SHROOM3: variants seen among roughly 807,000 people sequenced by gnomAD.
The protein encoded by SHROOM3 is protein Shroom3.
A neutral mutation model predicts 138.6 loss-of-function variants in SHROOM3; 47 were observed. The observed-to-expected ratio is 0.34, with a 90% CI of 0.27 to 0.43. SHROOM3 has a LOEUF of 0.43. Among genes scored for constraint, SHROOM3 ranks in the 20% least tolerant of loss-of-function variants. The probability of loss-of-function intolerance (pLI) is 1.00; values close to 1 mark genes in which losing one functional copy is unlikely to be tolerated. For synonymous variants in SHROOM3, 1,062 were observed against 1,063.3 expected (o/e 1.00, Z 0.02); for missense variants, 2,491 against 2,596.5 (o/e 0.96, Z 0.88).
chr4:76,593,590 C>T (rs1734320692), intron 2 of SHROOM3, among the ~76,000 whole-genome samples: 2 of 152,280 alleles, frequency 1.3e-5, no homozygotes, highest in South Asian at 4.1e-4. Context: ...AATCAGTAAT[C>T]TTTATGGCAT....
chr4:76,477,211 C>A (rs1467632210), intron 1 of SHROOM3, among the ~76,000 whole-genome samples: 1 of 148,324 alleles, frequency 6.7e-6, no homozygotes. Flanking sequence ...TCGTGATCCA[C>A]CCCCCACTCG....
At chr4:76,519,931 G>A (rs1732528167) in intron 1 of SHROOM3, among the ~76,000 whole-genome samples, 1 of 152,158 alleles carries the variant, frequency 6.6e-6, no homozygotes, top group South Asian at 2.1e-4. Flanking sequence ...TGAGCTTCTT[G>A]TGTTTTAATC....
At position 76,766,617 on chromosome 4, in the gene SHROOM3, G is replaced by C. The variant is rs574978226; in HGVS notation, c.5350-4009G>C. Among the ~76,000 whole-genome samples the C allele has an allele frequency of 7.9e-5, 12 of 152,270 alleles. No homozygotes were observed. In the East Asian group the frequency reaches 2.3e-3, roughly 29 times the overall value. ...AAAACACACCTCTTCTCCCTCCCCC[G>C]GTGAGTTATTCTGGTAGACATTGGT... is the stretch of plus-strand genomic sequence containing the variant. On this transcript the variant is annotated intron_variant, in intron 9 of 10. Coordinates refer to ENST00000296043, the MANE Select transcript of SHROOM3 (RefSeq NM_020859.4).
chr4:76,546,717 T>G (rs932122338), intron 1 of SHROOM3, among the ~76,000 whole-genome samples: 2 of 152,212 alleles, frequency 1.3e-5, no homozygotes, highest in Non-Finnish European at 2.9e-5. Flanking sequence ...ATTATCGCAC[T>G]TATAGAGAGC....
intron 2 of SHROOM3, among the ~76,000 whole-genome samples, chr4:76,631,054 A>G (rs55829779): frequency 0.068 from 10,413 of 152,230 alleles, 1,184 homozygotes; most frequent in African/African-American, 0.23. Flanking sequence ...TTATAGGGGT[A>G]TGCAGACAAC....
At chr4:76,453,480 A>C (rs918882376) in intron 1 of SHROOM3, among the ~76,000 whole-genome samples, 2 of 151,838 alleles carry the variant, frequency 1.3e-5, no homozygotes, top group Non-Finnish European at 2.9e-5. Flanking sequence ...GGGTCTCACT[A>C]TGTTGCCCAG....
intron 2 of SHROOM3, among the ~76,000 whole-genome samples, chr4:76,592,639 G>A (rs1228211628): frequency 6.6e-6 from 1 of 152,170 alleles, no homozygotes; most frequent in Non-Finnish European, 1.5e-5. Context: ...AATTGGCCCT[G>A]ACTAAGCTAA....
chr4:76,762,423 G>A (rs1462331686), intron 9 of SHROOM3, among the ~76,000 whole-genome samples: 1 of 152,206 alleles, frequency 6.6e-6, no homozygotes, highest in African/African-American at 2.4e-5. Flanking sequence ...AGGAAAAACA[G>A]CTCACATTTG....
At chr4:76,474,634 G>T (rs973468383) in intron 1 of SHROOM3, among the ~76,000 whole-genome samples, 2 of 152,224 alleles carry the variant, frequency 1.3e-5, no homozygotes, top group South Asian at 4.2e-4. Flanking sequence ...GATTTCTGAG[G>T]CCAGGCATGG....
At chr4:76,540,498 T>G (rs1300880166) in intron 1 of SHROOM3, among the ~76,000 whole-genome samples, 1 of 152,202 alleles carries the variant, frequency 6.6e-6, no homozygotes, top group Non-Finnish European at 1.5e-5. Flanking sequence ...AAATAATTCA[T>G]GAGGTCAAAA....
intron 1 of SHROOM3, among the ~76,000 whole-genome samples, chr4:76,512,528 C>G (rs767833743): frequency 8.5e-5 from 13 of 152,180 alleles, no homozygotes; most frequent in Non-Finnish European, 1.3e-4. Flanking sequence ...ATTCTACCTG[C>G]TTTAGGGGTC....
At chr4:76,756,965 G>T in intron 8 of SHROOM3, 28 bp downstream of exon 8, 1 of 1,613,348 alleles carries the variant, frequency 6.2e-7, no homozygotes, top group South Asian at 1.1e-5. Flanking sequence ...TCCTCAGAGA[G>T]ACTTACAATC....
At chr4:76,455,365 A>G (rs1731007646) in intron 1 of SHROOM3, among the ~76,000 whole-genome samples, 1 of 152,128 alleles carries the variant, frequency 6.6e-6, no homozygotes, top group African/African-American at 2.4e-5. Context: ...TTTATACATA[A>G]ATATAAATAA....
chr4:76,439,703 A>G (rs1560506461), intron 1 of SHROOM3, among the ~76,000 whole-genome samples: 1 of 152,222 alleles, frequency 6.6e-6, no homozygotes, highest in Non-Finnish European at 1.5e-5. Context: ...ACACATATGA[A>G]AGGCACAAAC....
rs563950451 is a variant in SHROOM3, at chr4:76,671,473, C to T, written c.324-38683C>T. ...AGGCTGTGTGTGCCAGCTGTAGCCACTTCCTCCTTTGTGCTCTCCTCCATC... is the reference window on the plus strand; with the variant it reads ...AGGCTGTGTGTGCCAGCTGTAGCCATTTCCTCCTTTGTGCTCTCCTCCATC... On this transcript the variant is annotated intron_variant, in intron 2 of 10. Coordinates refer to ENST00000296043, the MANE Select transcript of SHROOM3 (RefSeq NM_020859.4). 1.1e-4 allele frequency among the ~76,000 whole-genome samples: 16 copies of T among 152,376 alleles called. 1 individual carries two copies. The South Asian group carries it at 3.1e-3, about 30-fold the overall frequency.
chr4:76,618,809 AGCT>A (rs1734937761), intron 2 of SHROOM3, among the ~76,000 whole-genome samples: 1 of 152,196 alleles, frequency 6.6e-6, no homozygotes, highest in Non-Finnish European at 1.5e-5. Context: ...TGTCCTTTAT[AGCT>A]TATTTTTTCC....
At chr4:76,759,299 C>T (rs546655645) in intron 8 of SHROOM3, among the ~76,000 whole-genome samples, 1 of 152,336 alleles carries the variant, frequency 6.6e-6, no homozygotes, top group Admixed American at 6.5e-5. Context: ...GCTGGCGAGG[C>T]CATAGCCTTG....
rs1485328343 is a variant in SHROOM3, at chr4:76,783,002, C to T, written c.*3825C>T. On this transcript the variant is annotated 3_prime_UTR_variant, in exon 11 of 11. Transcript: ENST00000296043. Reference sequence around the variant, plus strand: ...TCAGGATACGATCTGCATCAGAATCCTTGGAATGCTTGTTAAAAATACCAA... The same window carrying T: ...TCAGGATACGATCTGCATCAGAATCTTTGGAATGCTTGTTAAAAATACCAA... The T allele has an allele frequency of 4.6e-5, 7 of 152,096 alleles. No individual in the cohort carries two copies. Among genetic ancestry groups the T allele is most frequent in the Non-Finnish European group, 8.8e-5 (6 of 68,014 alleles). The allele number at this position is 152,096 out of a possible 1,614,324, so 9.4% of individuals were successfully genotyped here.
At chr4:76,687,512 G>T (rs1013105) in intron 2 of SHROOM3, among the ~76,000 whole-genome samples, 83,536 of 152,006 alleles carry the variant, frequency 0.55, 23,565 homozygotes, top group East Asian at 0.78. Flanking sequence ...CAAGGAGAAC[G>T]GAGGTACCAG....
Sources: gnomAD v4.1 joint callset for allele counts (sites outside exome capture counted in the v4.1 genomes callset) on GRCh38, gnomAD v4.1.1 for gene constraint, MANE v1.5 for transcripts, NCBI Gene and HGNC (gene_info 2026-07-23, HGNC 2026-07-21) for gene names.